RYR1: variants seen among roughly 807,000 people sequenced by gnomAD.
The protein encoded by RYR1 is ryanodine receptor 1.
A neutral mutation model predicts 583.5 loss-of-function variants in RYR1; 342 were observed. The ratio of observed to expected loss-of-function variants is 0.59; its 90% CI spans 0.54 to 0.64. The LOEUF is 0.64. Among genes scored for constraint, RYR1 ranks in the 30% least tolerant of loss-of-function variants. The probability of loss-of-function intolerance (pLI) is 0.00; values close to 1 mark genes in which losing one functional copy is unlikely to be tolerated. For synonymous variants in RYR1, 2,791 were observed against 2,822.5 expected (o/e 0.99, Z 0.35); for missense variants, 6,032 against 6,917.2 (o/e 0.87, Z 4.54).
chr19:38,519,258 C>CA lies in RYR1; in HGVS notation c.10064dup (p.Ser3356ValfsTer108). On this transcript the variant is annotated frameshift_variant, in exon 67 of 106. Coordinates refer to ENST00000359596, the MANE Select transcript of RYR1 (RefSeq NM_000540.3). LOFTEE classifies it high-confidence loss of function. The stretch of plus-strand genomic sequence containing the variant: ...GAGCCGTGCACGGCCGGAGCTCCTG[C>CA]AGTCCCACTTCATCCCAACTATCGG... 6.2e-7 allele frequency: 1 copy of CA among 1,614,158 alleles called. No individual in the cohort carries two copies. Among genetic ancestry groups the CA allele is most frequent in the Non-Finnish European group, 8.5e-7 (1 of 1,180,030 alleles).
chr19:38,558,017 A>G (rs1972954860), intron 89 of RYR1, among the ~76,000 whole-genome samples: 1 of 151,966 alleles, frequency 6.6e-6, no homozygotes, highest in South Asian at 2.1e-4. Context: ...ATAAAATAAA[A>G]TAAAATACTA....
chr19:38,472,010 C>G (rs1315004557), intron 27 of RYR1, among the ~76,000 whole-genome samples: 2 of 151,474 alleles, frequency 1.3e-5, no homozygotes, highest in East Asian at 3.9e-4. Context: ...GGCAACTGGT[C>G]CTTGGAGAGG....
intron 99 of RYR1, 72 bp downstream of exon 99, chr19:38,578,276 T>G: frequency 1.1e-5 from 17 of 1,500,924 alleles, no homozygotes; most frequent in Non-Finnish European, 1.5e-5. Flanking sequence ...CAACGTCGGG[T>G]GTTCCTGACC....
At position 38,523,135 on chromosome 19, in the gene RYR1, G is replaced by A. The variant is rs746077453; in HGVS notation, c.10347+20G>A. 7 of 1,611,268 alleles carry A rather than the reference G, an allele frequency of 4.3e-6. No homozygotes were observed. The highest frequency in any genetic ancestry group is 3.3e-5 in the Admixed American group (2 of 59,912). On this transcript the variant is annotated intron_variant, in intron 68 of 105. Coordinates refer to ENST00000359596, the MANE Select transcript of RYR1 (RefSeq NM_000540.3). ...TCCCACGTGAGTGCCCACCCCAACC[G>A]CCCTCCCCACAACCAGAGGAGCCGC...
In RYR1 at chr19:38,507,307, C is replaced by G. The variant is rs1024417489; in HGVS notation, c.8816+355C>G. Among the ~76,000 whole-genome samples, 17 of 129,274 alleles carry G rather than the reference C, an allele frequency of 1.3e-4. No individual in the cohort carries two copies. The Admixed American group carries it at 1.4e-3, about 10-fold the overall frequency. The allele number at this position is 129,274 out of a possible 152,430, so 84.8% of individuals were successfully genotyped here. A position where few individuals can be genotyped will look rare whatever the true frequency, so the allele number is the denominator to read the frequency against. On this transcript the variant is annotated intron_variant, in intron 57 of 105. Coordinates refer to ENST00000359596, the MANE Select transcript of RYR1 (RefSeq NM_000540.3). Reference sequence around the variant, plus strand: ...GAGAGAAGGCTGAAAAGGGTGGGGCCCGGGGAACAGAGGTAGGGCCAAAGA... The same window carrying G: ...GAGAGAAGGCTGAAAAGGGTGGGGCGCGGGGAACAGAGGTAGGGCCAAAGA...
chr19:38,521,155 C>T (rs1011594754), intron 67 of RYR1, among the ~76,000 whole-genome samples: 2 of 151,886 alleles, frequency 1.3e-5, no homozygotes, highest in East Asian at 3.9e-4. Context: ...CATGGTGACA[C>T]ACACCTGTAG....
At chr19:38,460,163 TC>T (rs1230674976) in intron 19 of RYR1, among the ~76,000 whole-genome samples, 1 of 152,172 alleles carries the variant, frequency 6.6e-6, no homozygotes, top group Non-Finnish European at 1.5e-5. Flanking sequence ...CGCTCTCAAC[TC>T]CCTGGCTCTT....
intron 84 of RYR1, among the ~76,000 whole-genome samples, chr19:38,541,329 G>A (rs898878971): frequency 6.6e-6 from 1 of 152,200 alleles, no homozygotes; most frequent in Non-Finnish European, 1.5e-5. Context: ...AGAACAGAAT[G>A]CATGGCACAG....
chr19:38,528,661 A>G lies in RYR1; in HGVS notation c.11000A>G (p.His3667Arg), dbSNP rs1449554304. 8 of 1,614,030 alleles carry G rather than the reference A, an allele frequency of 5.0e-6. No homozygotes were observed. In the Admixed American group the frequency reaches 1.3e-4, roughly 27 times the overall value. Residue 3667 changes from histidine (H) to arginine (R), a missense_variant, in exon 75 of 106, where the codon CAC becomes CGC. By Grantham distance (29) the His-to-Arg change is conservative. Transcript: ENST00000359596. ...GCTGCATGGATCCTGACTGAAGACCACAGTTTTGAGGACCGCATGATAGAT... is the reference window on the plus strand; with the variant it reads ...GCTGCATGGATCCTGACTGAAGACCGCAGTTTTGAGGACCGCATGATAGAT... ...YKAAWILTEDHSFEDRMIDDL... is the reference protein window; with the variant it reads ...YKAAWILTEDRSFEDRMIDDL...
intron 16 of RYR1, 31 bp from the exon 17 acceptor site, chr19:38,457,466 A>G: frequency 6.2e-7 from 1 of 1,613,860 alleles, no homozygotes; most frequent in Non-Finnish European, 8.5e-7. Context: ...TGGTGCCTAC[A>G]CACCCTTTAA....
chr19:38,499,010 T>C lies in RYR1; in HGVS notation c.6892-98T>C. The stretch of plus-strand genomic sequence containing the variant: ...CCGAGGGATCAGAGCTGAACCGGAC[T>C]GAGGAGCCGCAGGGCAGGGCAGGGC... On this transcript the variant is annotated intron_variant, in intron 42 of 105. Transcript: ENST00000359596. This position sits in a 1 kb window ranked among gnomAD's most constrained non-coding sequence, Gnocchi z 7.3. 2 of 1,522,668 alleles carry C rather than the reference T, an allele frequency of 1.3e-6. No homozygotes were observed. The highest frequency in any genetic ancestry group is 2.4e-5 in the South Asian group (2 of 81,972). 94.3% of individuals were successfully genotyped at this position (1,522,668 alleles called of 1,614,324 possible). A position where few individuals can be genotyped will look rare whatever the true frequency, so the allele number is the denominator to read the frequency against.
intron 42 of RYR1, among the ~76,000 whole-genome samples, chr19:38,497,341 G>T (rs1052573968): frequency 1.3e-5 from 2 of 152,230 alleles, no homozygotes; most frequent in East Asian, 3.9e-4. Flanking sequence ...CAGCCAGGTG[G>T]CCTTGGCACA....
At chr19:38,524,512 G>A (rs1452367465) in intron 70 of RYR1, among the ~76,000 whole-genome samples, 1 of 152,184 alleles carries the variant, frequency 6.6e-6, no homozygotes, top group Non-Finnish European at 1.5e-5. Context: ...CTGGCACAGG[G>A]GTCATGCTCA....
chr19:38,493,384 T>G (rs1969643932), intron 38 of RYR1, among the ~76,000 whole-genome samples: 1 of 152,140 alleles, frequency 6.6e-6, no homozygotes, highest in African/African-American at 2.4e-5. Flanking sequence ...ACAGGTTTTA[T>G]CCCACAACAT....
chr19:38,469,187 C>T (rs1192828832), intron 26 of RYR1, 47 bp downstream of exon 26: 2 of 1,611,752 alleles, frequency 1.2e-6, no homozygotes, highest in Admixed American at 1.7e-5. Flanking sequence ...TTTCCTCTGT[C>T]TCTCCCAACC....
rs574949430 is a variant in RYR1, at chr19:38,446,168, C to A, written c.632-304C>A. On this transcript the variant is annotated intron_variant, in intron 7 of 105. Coordinates refer to ENST00000359596, the MANE Select transcript of RYR1 (RefSeq NM_000540.3). ...ACCTTTCACCACACACACACTCTGA[C>A]CCCAACCTCAAAAGTCCAAACTCAG... 3.5e-4 allele frequency among the ~76,000 whole-genome samples: 53 copies of A among 152,096 alleles called. No individual in the cohort carries two copies. In the South Asian group the frequency reaches 0.011, roughly 31 times the overall value.
chr19:38,568,148 C>T (rs771324201), intron 93 of RYR1, among the ~76,000 whole-genome samples: 3 of 152,202 alleles, frequency 2.0e-5, no homozygotes, highest in Non-Finnish European at 2.9e-5. Flanking sequence ...CTTATTCCAA[C>T]CTCCATACCT....
chr19:38,486,329 C>A, intron 34 of RYR1, 127 bp downstream of exon 34: 1 of 1,143,580 alleles, frequency 8.7e-7, no homozygotes, highest in Non-Finnish European at 1.3e-6. Flanking sequence ...CTCTATACAT[C>A]CATCCACCTT....
intron 89 of RYR1, among the ~76,000 whole-genome samples, chr19:38,556,905 G>A (rs1972900669): frequency 6.6e-6 from 1 of 152,054 alleles, no homozygotes; most frequent in Non-Finnish European, 1.5e-5. Flanking sequence ...TGGGTGTAAG[G>A]AGTTTTTTAG....
Sources: gnomAD v4.1 joint callset for allele counts (sites outside exome capture counted in the v4.1 genomes callset) on GRCh38, gnomAD v4.1.1 for gene constraint, Gnocchi (gnomAD v3.1) non-coding constraint, MANE v1.5 for transcripts, NCBI Gene and HGNC (gene_info 2026-07-23, HGNC 2026-07-21) for gene names.